PXDNL: variants seen among roughly 807,000 people sequenced by gnomAD.
The protein encoded by PXDNL is peroxidasin like.
Under a neutral mutation model 150.8 loss-of-function variants are expected in PXDNL, and 145 were observed. The observed-to-expected ratio is 0.96, with a 90% CI of 0.84 to 1.10. The LOEUF (loss-of-function observed/expected upper bound fraction) is 1.10. Ranked by LOEUF, PXDNL falls within the 50% of genes least tolerant of loss-of-function variation. The pLI is 0.00. For missense variants in PXDNL, 2,087 were observed against 1,873.9 expected (o/e 1.11, Z -2.10); for synonymous variants, 757 against 725.7 (o/e 1.04, Z -0.69).
rs779229277 is a variant in PXDNL, at chr8:51,408,627, C to T, written c.2997G>A (p.Gln999=). Residue 999 remains glutamine (Q), a synonymous_variant, in exon 17 of 23, where the codon CAG becomes CAA. Coordinates refer to ENST00000356297, the MANE Select transcript of PXDNL (RefSeq NM_144651.5). ...CCGCGCCCACGATCTTCCTGGCTTC[C>T]TGGTAAACCGTGTTTCCCTCCCAGT... ...NPHWEGNTVY[Q]EARKIVGAEL... 1 of 1,609,494 alleles carries T rather than the reference C, an allele frequency of 6.2e-7. No individual in the cohort carries two copies. The highest frequency in any genetic ancestry group is 1.1e-5 in the South Asian group (1 of 90,202).
chr8:51,445,589 T>C (rs1809655440), intron 12 of PXDNL, among the ~76,000 whole-genome samples: 2 of 152,144 alleles, frequency 1.3e-5, no homozygotes, highest in Non-Finnish European at 2.9e-5. Context: ...CATAGGGAAG[T>C]GAAGTGGCTT....
At chr8:51,534,004 G>C (rs1196050355) in intron 4 of PXDNL, among the ~76,000 whole-genome samples, 4 of 142,828 alleles carry the variant, frequency 2.8e-5, no homozygotes, top group South Asian at 4.2e-4. Context: ...AGTGAGGAGC[G>C]TCTCTGCCCG....
intron 20 of PXDNL, among the ~76,000 whole-genome samples, chr8:51,342,448 CTTAAA>C (rs540976130): frequency 4.1e-4 from 63 of 152,036 alleles, no homozygotes; most frequent in African/African-American, 1.3e-3. Context: ...AAAAATACCA[CTTAAA>C]TTAATCAGGA....
chr8:51,381,618 G>A (rs1586054334), intron 17 of PXDNL, among the ~76,000 whole-genome samples: 1 of 148,128 alleles, frequency 6.8e-6, no homozygotes, highest in African/African-American at 2.5e-5. Flanking sequence ...AATATGACTG[G>A]TGTCTTTATT....
intron 14 of PXDNL, among the ~76,000 whole-genome samples, chr8:51,421,868 C>A (rs567921767): frequency 2.0e-5 from 3 of 152,200 alleles, no homozygotes; most frequent in Non-Finnish European, 4.4e-5. Context: ...CCAACCCCAG[C>A]GCCTTCAGAA....
chr8:51,577,609 T>TATATAA (rs562857918), intron 3 of PXDNL, among the ~76,000 whole-genome samples: 36 of 147,718 alleles, frequency 2.4e-4, no homozygotes, highest in African/African-American at 4.7e-4. Context: ...TATATATATA[T>TATATAA]AATCAGGCTA....
At chr8:51,337,502 C>T (rs1163384553) in intron 21 of PXDNL, among the ~76,000 whole-genome samples, 1 of 152,172 alleles carries the variant, frequency 6.6e-6, no homozygotes, top group Non-Finnish European at 1.5e-5. Flanking sequence ...GTCCAGAGTT[C>T]TCAGTCACCC....
intron 4 of PXDNL, among the ~76,000 whole-genome samples, chr8:51,513,144 C>T (rs1211796111): frequency 6.6e-6 from 1 of 152,208 alleles, no homozygotes; most frequent in East Asian, 1.9e-4. Flanking sequence ...GTGTTGAAGA[C>T]CTGGTTGCAG....
At chr8:51,741,731 AG>A (rs2036908499) in intron 1 of PXDNL, among the ~76,000 whole-genome samples, 1 of 152,332 alleles carries the variant, frequency 6.6e-6, no homozygotes, top group Admixed American at 6.5e-5. Context: ...TTAAAATAAA[AG>A]ATTGTAGTAA....
intron 12 of PXDNL, among the ~76,000 whole-genome samples, chr8:51,434,291 T>C (rs1809335185): frequency 6.6e-6 from 1 of 152,350 alleles, no homozygotes; most frequent in East Asian, 1.9e-4. Flanking sequence ...CTTTTTTCTC[T>C]GACTGTCACT....
At chr8:51,388,492 C>T (rs1015002669) in intron 17 of PXDNL, among the ~76,000 whole-genome samples, 6 of 152,084 alleles carry the variant, frequency 3.9e-5, no homozygotes, top group African/African-American at 1.4e-4. Flanking sequence ...ACCATAATCT[C>T]GCATATCTAG....
chr8:51,322,562 T>C (rs561961896), intron 21 of PXDNL, among the ~76,000 whole-genome samples: 2 of 152,024 alleles, frequency 1.3e-5, no homozygotes, highest in African/African-American at 4.8e-5. Context: ...TGTGGCAACA[T>C]GAAGGATCAC....
intron 1 of PXDNL, among the ~76,000 whole-genome samples, chr8:51,800,677 C>G (rs1304281432): frequency 6.6e-6 from 1 of 152,164 alleles, no homozygotes; most frequent in Admixed American, 6.5e-5. Context: ...TTAATACTTT[C>G]ATAATTTCTT....
chr8:51,767,756 T>C (rs969888591), intron 1 of PXDNL, among the ~76,000 whole-genome samples: 5 of 152,226 alleles, frequency 3.3e-5, no homozygotes, highest in African/African-American at 4.8e-5. Flanking sequence ...TTTCTAGATT[T>C]TCCTTTTAAG....
chr8:51,711,634 T>C (rs1816500978), intron 1 of PXDNL, among the ~76,000 whole-genome samples: 2 of 152,252 alleles, frequency 1.3e-5, no homozygotes, highest in Non-Finnish European at 2.9e-5. Context: ...TGTATTCTAT[T>C]CTCCAATTAC....
chr8:51,385,078 T>G (rs1370643075), intron 17 of PXDNL, among the ~76,000 whole-genome samples: 2 of 152,190 alleles, frequency 1.3e-5, no homozygotes, highest in East Asian at 1.9e-4. Flanking sequence ...AAAATTCACA[T>G]GTATTGAACA....
At chr8:51,800,887 A>G (rs898220296) in intron 1 of PXDNL, among the ~76,000 whole-genome samples, 3 of 152,186 alleles carry the variant, frequency 2.0e-5, no homozygotes, top group South Asian at 2.1e-4. Context: ...GTGTTTGACA[A>G]TATGAAATCT....
intron 4 of PXDNL, among the ~76,000 whole-genome samples, chr8:51,501,525 TAC>T (rs1459486591): frequency 6.6e-6 from 1 of 151,372 alleles, no homozygotes; most frequent in African/African-American, 2.4e-5. Context: ...CTTGTTCACA[TAC>T]ACTCTCACAT....
intron 1 of PXDNL, among the ~76,000 whole-genome samples, chr8:51,808,062 G>T (rs575043815): frequency 1.3e-5 from 2 of 152,230 alleles, no homozygotes; most frequent in African/African-American, 2.4e-5. Context: ...GAAAATCTAT[G>T]GATAATATGT....
Sources: allele counts gnomAD v4.1 joint callset (sites outside exome capture counted in the v4.1 genomes callset), GRCh38; gene constraint gnomAD v4.1.1; transcripts MANE v1.5; gene names NCBI Gene and HGNC (gene_info 2026-07-23, HGNC 2026-07-21).